RNF14: variants seen among roughly 807,000 people sequenced by gnomAD.
RNF14 encodes ring finger protein 14.
In RNF14, 26 loss-of-function variants were observed where a neutral mutation model predicts 52.6. That is an observed-to-expected ratio of 0.49 (90% CI 0.36 to 0.69). The LOEUF is 0.69. Ranked by LOEUF, RNF14 falls within the 30% of genes least tolerant of loss-of-function variation. The probability of loss-of-function intolerance (pLI) is 0.00; values close to 1 mark genes in which losing one functional copy is unlikely to be tolerated. For synonymous variants in RNF14, 194 were observed against 202.0 expected (o/e 0.96, Z 0.34); for missense variants, 404 against 560.4 (o/e 0.72, Z 2.82).
At chr5:141,987,430 G>A (rs930811269) in intron 8 of RNF14, among the ~76,000 whole-genome samples, 1 of 152,120 alleles carries the variant, frequency 6.6e-6, no homozygotes, top group African/African-American at 2.4e-5. Flanking sequence ...CCTCCATCTA[G>A]GCCCTCAGTG....
At chr5:141,956,409 G>A (rs746431288), upstream of RNF14, 3 of 1,614,248 alleles carry the variant, frequency 1.9e-6, no homozygotes, top group Non-Finnish European at 2.5e-6. Context: ...GAGCCTTGAT[G>A]GTAATGAGGT....
chr5:141,980,858 A>C (rs896694440), intron 6 of RNF14, among the ~76,000 whole-genome samples: 3 of 152,230 alleles, frequency 2.0e-5, no homozygotes, highest in Non-Finnish European at 4.4e-5. Flanking sequence ...CTAAGCTGCC[A>C]TTCTTGTCTC....
rs755539041 is a variant in RNF14, at chr5:141,987,757, C to T, written c.1392C>T (p.Asp464=). The T allele has an allele frequency of 2.0e-5, 32 of 1,613,670 alleles. No homozygotes were observed. Among genetic ancestry groups the T allele is most frequent in the Non-Finnish European group, 2.5e-5 (29 of 1,179,972 alleles). The change falls in exon 9 of 9, where the codon GAC becomes GAT. Residue 464 remains aspartate, a synonymous_variant. Coordinates refer to ENST00000394520, the MANE Select transcript of RNF14 (RefSeq NM_004290.5). ...FNRLFYAVDV[D]DDIWEDEVED ...GGCTGTTTTATGCTGTGGATGTTGACGACGATATTTGGGAAGATGAGGTAG... is the reference window on the plus strand; with the variant it reads ...GGCTGTTTTATGCTGTGGATGTTGATGACGATATTTGGGAAGATGAGGTAG...
At chr5:141,983,157 A>G (rs1300571539) in intron 6 of RNF14, among the ~76,000 whole-genome samples, 1 of 152,106 alleles carries the variant, frequency 6.6e-6, no homozygotes, top group Non-Finnish European at 1.5e-5. Context: ...ATAATTGAAT[A>G]TTATGTCATT....
chr5:141,958,424 A>C (rs1230269336), exon 1 of RNF14: 4 of 153,338 alleles, frequency 2.6e-5, no homozygotes, highest in Non-Finnish European at 5.8e-5. Context: ...CTGCATCACC[A>C]AGTGAGCAGA....
intron 8 of RNF14, among the ~76,000 whole-genome samples, chr5:141,985,879 G>C (rs1263395509): frequency 6.6e-6 from 1 of 152,164 alleles, no homozygotes; most frequent in Non-Finnish European, 1.5e-5. Flanking sequence ...AAGAGTCCAG[G>C]TCAGTTATCT....
In RNF14 at chr5:141,980,322, A is replaced by G. The variant is rs1408280172; in HGVS notation, c.1034A>G (p.His345Arg). The G allele has an allele frequency of 3.1e-6, 5 of 1,614,146 alleles. No homozygotes were observed. Among genetic ancestry groups the G allele is most frequent in the Non-Finnish European group, 3.4e-6 (4 of 1,180,030 alleles). Residue 345 changes from histidine to arginine, a missense_variant, in exon 6 of 9, where the codon CAT (histidine) becomes CGT (arginine). By Grantham distance (29) the His-to-Arg change is conservative. Transcript: ENST00000394520. Reference protein sequence around the residue: ...AFCTLCRLTYHGVSPCKVTAE... With the variant: ...AFCTLCRLTYRGVSPCKVTAE... ...TGTACTTTGTGCAGGTTGACCTACC[A>G]TGGGGTCTCCCCATGTAAGGTGACT...
intron 8 of RNF14, among the ~76,000 whole-genome samples, chr5:141,986,851 AC>A (rs1020615868): frequency 1.3e-5 from 2 of 152,220 alleles, no homozygotes; most frequent in African/African-American, 4.8e-5. Context: ...AAGGAGAAAA[AC>A]GCTGCATGTG....
rs1331628586 is a variant in RNF14 at position 141,987,760 on chromosome 5, C to T, written c.1395C>T (p.Asp465=). ...TGTTTTATGCTGTGGATGTTGACGA[C>T]GATATTTGGGAAGATGAGGTAGAAG... ...NRLFYAVDVD[D]DIWEDEVED is the part of the protein sequence containing the mutation. The change falls in exon 9 of 9, where the codon GAC becomes GAT. Residue 465 remains aspartate, a synonymous_variant. Transcript: ENST00000394520. 57 of 1,613,604 alleles carry T rather than the reference C, an allele frequency of 3.5e-5. No individual in the cohort carries two copies. Among genetic ancestry groups the T allele is most frequent in the Middle Eastern group, 1.7e-4 (1 of 5,920 alleles).
At chr5:141,950,430 T>G in the RNF14 span, among the ~76,000 whole-genome samples, 1 of 152,324 alleles carries the variant, frequency 6.6e-6, no homozygotes, top group South Asian at 2.1e-4. Context: ...ACTAATGTTT[T>G]TGAGCAGTGA....
chr5:141,956,726 C>G (rs1344025293), upstream of RNF14: 20 of 1,614,146 alleles, frequency 1.2e-5, no homozygotes, highest in African/African-American at 2.7e-4. Flanking sequence ...TCTGCCATGA[C>G]AAGAGCAATA....
the RNF14 span, chr5:141,952,900 G>C: frequency 6.6e-6 from 1 of 152,230 alleles, no homozygotes; most frequent in African/African-American, 2.4e-5. Context: ...ATGCCCCTCT[G>C]TGCAGCTTGA....
In RNF14 at chr5:141,979,233, GTGT is replaced by G. The variant is rs1360812561; in HGVS notation, c.834+429_834+431del. 7.0e-4 allele frequency among the ~76,000 whole-genome samples: 106 copies of G among 150,744 alleles called. 1 individual carries two copies. Among genetic ancestry groups the G allele is most frequent in the South Asian group, 8.4e-4 (4 of 4,774 alleles). ...AGTACAGCCTACTTAGGTGGTGGTG[GTGT>G]TGTTGTTGTTGTTGTTGTTGTTGTT... On this transcript the variant is annotated intron_variant, in intron 5 of 8. Transcript: ENST00000394520.
In RNF14 at chr5:141,975,375, T is replaced by C. The variant is rs573853654; in HGVS notation, c.306+420T>C. ...ACTAAAAATTGAGCTAATGTAGTTA[T>C]AATAAGCAAATTTTCTGAGTGAATA... On this transcript the variant is annotated intron_variant, in intron 4 of 8. Transcript: ENST00000394520. 5.9e-5 allele frequency among the ~76,000 whole-genome samples: 9 copies of C among 152,366 alleles called. No individual in the cohort carries two copies. The South Asian group carries it at 1.9e-3, about 32-fold the overall frequency.
upstream of RNF14, chr5:141,956,951 T>C (rs1753195006): frequency 1.2e-6 from 2 of 1,614,054 alleles, no homozygotes; most frequent in Non-Finnish European, 1.7e-6. Context: ...ACCTGGCCTG[T>C]CTTGGCATCA....
rs771401411 is a variant in RNF14, at chr5:141,984,822, A to T, written c.1256A>T (p.Lys419Met). ...TPIEKLDGCNKMTCTGCMQYF... is the reference protein window; with the variant it reads ...TPIEKLDGCNMMTCTGCMQYF... ...CACCAGAAATTAGACGGATGTAACA[A>T]GATGACATGTACTGGCTGTATGCAA... The change falls in exon 8 of 9, where the codon AAG becomes ATG. Residue 419 changes from lysine to methionine, a missense_variant. By Grantham distance (95) the Lys-to-Met change is moderately conservative (BLOSUM62 -1). Coordinates refer to ENST00000394520, the MANE Select transcript of RNF14 (RefSeq NM_004290.5). 4 of 1,613,904 alleles carry T rather than the reference A, an allele frequency of 2.5e-6. No individual in the cohort carries two copies. The highest frequency in any genetic ancestry group is 1.3e-5 in the African/African-American group (1 of 75,046).
chr5:141,955,684 G>A, upstream of RNF14: 1 of 1,614,184 alleles, frequency 6.2e-7, no homozygotes, highest in East Asian at 2.2e-5. The surrounding 1 kb of genome is among the most constrained non-coding windows in gnomAD (Gnocchi z 5.5). Context: ...CAACAGTACA[G>A]CCAGGCAGAT....
At chr5:141,954,841 C>T, upstream of RNF14, 3 of 1,234,150 alleles carry the variant, frequency 2.4e-6, no homozygotes, top group Admixed American at 2.3e-5. Context: ...ACCATTGCTA[C>T]CCAAAGCATC....
At chr5:141,980,883 T>A (rs967693896) in intron 6 of RNF14, among the ~76,000 whole-genome samples, 8 of 152,200 alleles carry the variant, frequency 5.3e-5, no homozygotes, top group African/African-American at 1.9e-4. Context: ...GCACATGTGT[T>A]TGACTAGTCA....
Sources: gnomAD v4.1 joint callset for allele counts (sites outside exome capture counted in the v4.1 genomes callset) on GRCh38, gnomAD v4.1.1 for gene constraint, Gnocchi (gnomAD v3.1) non-coding constraint, MANE v1.5 for transcripts, NCBI Gene and HGNC (gene_info 2026-07-23, HGNC 2026-07-21) for gene names.